Variants in CCDC102A observed in about 807,000 individuals in gnomAD.
CCDC102A encodes the protein coiled-coil domain containing 102A, also known as coiled-coil domain-containing protein 102A.
CCDC102A carries 40 observed loss-of-function variants against 55.5 expected under a neutral mutation model. The observed-to-expected ratio is 0.72, with a 90% CI of 0.56 to 0.94. The LOEUF (loss-of-function observed/expected upper bound fraction) is 0.94. Among genes scored for constraint, CCDC102A ranks in the 40% least tolerant of loss-of-function variants. The pLI is 0.00. For missense variants in CCDC102A, 779 were observed against 768.6 expected (o/e 1.01, Z -0.16); for synonymous variants, 323 against 339.0 (o/e 0.95, Z 0.52).
chr16:57,521,233 C>T, intron 3 of CCDC102A, 57 bp from the exon 4 acceptor site: 1 of 1,363,334 alleles, frequency 7.3e-7, no homozygotes, highest in Non-Finnish European at 1.0e-6. Context: ...TTGGAGTCCT[C>T]ACCAAGGGTG....
chr16:57,528,653 C>T lies in CCDC102A; in HGVS notation c.525G>A (p.Glu175=), dbSNP rs773165830. 1.7e-6 allele frequency: 2 copies of T among 1,180,946 alleles called. No individual in the cohort carries two copies. The highest frequency in any genetic ancestry group is 4.6e-5 in the East Asian group (1 of 21,858). 73.2% of individuals were successfully genotyped at this position (1,180,946 alleles called of 1,614,324 possible). A position where few individuals can be genotyped will look rare whatever the true frequency, so the allele number is the denominator to read the frequency against. The change falls in exon 2 of 9, where the codon GAG becomes GAA. Residue 175 remains glutamate (E), a synonymous_variant. Transcript: ENST00000258214. Reference sequence around the variant, plus strand: ...GCACTGGCTCGCGCTCCGCTTCCGGCTCGGGGCCGTCGCGCGTCTGGTCGG... The same window carrying T: ...GCACTGGCTCGCGCTCCGCTTCCGGTTCGGGGCCGTCGCGCGTCTGGTCGG... ...GVADQTRDGP[E]PEAEREPVRD...
rs372051434 is a variant in CCDC102A at position 57,515,201 on chromosome 16, A to C, written c.1523+140T>G. 1.5e-4 allele frequency: 100 copies of C among 656,146 alleles called. 2 individuals are homozygous for C. Among genetic ancestry groups the C allele is most frequent in the East Asian group, 1.4e-3 (51 of 36,544 alleles). The allele number at this position is 656,146 out of a possible 1,614,324, so 40.6% of individuals were successfully genotyped here. A position where few individuals can be genotyped will look rare whatever the true frequency, so the allele number is the denominator to read the frequency against. ...CCTGGCTCTGGCCCTTCCTGCCCGG[A>C]GGGGACAGGATTCTGGCTCCAGGCA... On this transcript the variant is annotated intron_variant, in intron 8 of 8. Transcript: ENST00000258214.
At chr16:57,515,918 G>C (rs537479262) in intron 7 of CCDC102A, among the ~76,000 whole-genome samples, 1 of 151,682 alleles carries the variant, frequency 6.6e-6, no homozygotes, top group East Asian at 1.9e-4. Flanking sequence ...CACTGACCCA[G>C]TCAGCTGTCC....
Position 57,515,444 on chromosome 16 carries a change from GCT to G in CCDC102A, c.1420-2_1420-1del. ...CGTGCCTGGTTGTGGGCCTCGTCCA[GCT>G]GTGGGGGTGAGCAGGGCCGAAAGCA... On this transcript the variant is annotated splice_acceptor_variant, in intron 7 of 8. Transcript: ENST00000258214. LOFTEE classifies it high-confidence loss of function. 6.3e-6 allele frequency: 10 copies of G among 1,597,070 alleles called. No individual in the cohort carries two copies. The highest frequency in any genetic ancestry group is 1.3e-5 in the African/African-American group (1 of 74,852).
intron 4 of CCDC102A, 94 bp downstream of exon 4, chr16:57,520,974 T>G: frequency 1.3e-6 from 1 of 795,026 alleles, no homozygotes; most frequent in Non-Finnish European, 2.1e-6. Context: ...GTTGGATGAA[T>G]TAATGAATGA....
At chr16:57,532,394 T>C (rs1328824220) in intron 1 of CCDC102A, among the ~76,000 whole-genome samples, 1 of 152,048 alleles carries the variant, frequency 6.6e-6, no homozygotes, top group African/African-American at 2.4e-5. Flanking sequence ...CCCCAGGAGA[T>C]CCCTAGCAGC....
chr16:57,534,735 G>A (rs181966261), intron 1 of CCDC102A, among the ~76,000 whole-genome samples: 16 of 152,306 alleles, frequency 1.1e-4, no homozygotes, highest in Admixed American at 2.0e-4. Context: ...GGAAGGTTGA[G>A]TCATCCTAAA....
In CCDC102A at chr16:57,529,064, CA is replaced by C; in HGVS notation, c.113del (p.Leu38CysfsTer123). 1 of 1,150,784 alleles carries C rather than the reference CA, an allele frequency of 8.7e-7. No homozygotes were observed. 71.3% of individuals were successfully genotyped at this position (1,150,784 alleles called of 1,614,324 possible). On this transcript the variant is annotated frameshift_variant, in exon 2 of 9. Transcript: ENST00000258214. LOFTEE classifies it high-confidence loss of function. The surrounding 1 kb of genome is among the most constrained non-coding windows in gnomAD (Gnocchi z 4.1). ...GCGTGCCGCTGGGCGGCGTGGGCGG[CA>C]AGGAGTCGGCAGGCCCCATGCGCTC... ...SPERMGPADS[L>X]PPTPPSGTPS...
rs1169210613 is a variant in CCDC102A at position 57,512,749 on chromosome 16, C to T, written c.1645G>A (p.Val549Met). The change falls in exon 9 of 9, where the codon GTG becomes ATG. Residue 549 changes from valine (V) to methionine (M), a missense_variant. Physicochemically the swap from Val to Met is conservative, Grantham distance 21. Coordinates refer to ENST00000258214, the MANE Select transcript of CCDC102A (RefSeq NM_033212.4). ...CCCAGCCACAGGAAGCTCTAGGCCA[C>T]CTGGATTTGCAGGTCCTCGTCCTCG... ...LDEDEDLQIQVA is the reference protein window; with the variant it reads ...LDEDEDLQIQMA 2 of 1,613,740 alleles carry T rather than the reference C, an allele frequency of 1.2e-6. No individual in the cohort carries two copies. The highest frequency in any genetic ancestry group is 1.3e-5 in the African/African-American group (1 of 74,936).
In CCDC102A at chr16:57,516,232, G is replaced by A; in HGVS notation, c.1419+61C>T. On this transcript the variant is annotated intron_variant, in intron 7 of 8. Transcript: ENST00000258214. The surrounding 1 kb of genome is among the most constrained non-coding windows in gnomAD (Gnocchi z 4.4). Reference sequence around the variant, plus strand: ...AGAATGGAGAAGCCAGGATGGCCCTGCGGCCCCCACTCCTCCCTGGCCAAG... The same window carrying A: ...AGAATGGAGAAGCCAGGATGGCCCTACGGCCCCCACTCCTCCCTGGCCAAG... 1 of 1,538,290 alleles carries A rather than the reference G, an allele frequency of 6.5e-7. No homozygotes were observed. Among genetic ancestry groups the A allele is most frequent in the Non-Finnish European group, 8.8e-7 (1 of 1,131,794 alleles).
At chr16:57,522,243 T>C (rs2032064931) in intron 3 of CCDC102A, among the ~76,000 whole-genome samples, 1 of 152,208 alleles carries the variant, frequency 6.6e-6, no homozygotes, top group South Asian at 2.1e-4. Flanking sequence ...CTTTTCTTTG[T>C]TTTTAGAGAG....
chr16:57,531,111 C>T (rs1212487250), intron 1 of CCDC102A, among the ~76,000 whole-genome samples: 2 of 152,024 alleles, frequency 1.3e-5, no homozygotes, highest in African/African-American at 4.8e-5. Context: ...CTCGCTATGT[C>T]CCCAACTCCA....
intron 1 of CCDC102A, among the ~76,000 whole-genome samples, chr16:57,532,570 A>G (rs1404437179): frequency 6.6e-6 from 1 of 152,200 alleles, no homozygotes; most frequent in East Asian, 1.9e-4. Context: ...ACAGGCACAC[A>G]ACGACACGGG....
chr16:57,520,362 C>T (rs1224541031), intron 4 of CCDC102A, among the ~76,000 whole-genome samples: 1 of 152,072 alleles, frequency 6.6e-6, no homozygotes, highest in African/African-American at 2.4e-5. Flanking sequence ...CCTCAAATGC[C>T]ACCTTCTTAG....
chr16:57,515,358 C>T lies in CCDC102A; in HGVS notation c.1506G>A (p.Leu502=). ...TEQSENLQVQ[L]EHLQSRLRRQ... ...GGGCCCACCTGGACTGCAGGTGCTC[C>T]AGTTGCACTTGCAGGTTCTCGCTCT... Residue 502 remains leucine, a synonymous_variant, in exon 8 of 9, where the codon CTG becomes CTA. Transcript: ENST00000258214. 2 of 1,602,058 alleles carry T rather than the reference C, an allele frequency of 1.2e-6. No individual in the cohort carries two copies. Among genetic ancestry groups the T allele is most frequent in the Non-Finnish European group, 1.7e-6 (2 of 1,174,292 alleles).
intron 4 of CCDC102A, 109 bp from the exon 5 acceptor site, chr16:57,518,850 C>A: frequency 2.6e-6 from 2 of 775,230 alleles, no homozygotes; most frequent in Non-Finnish European, 2.1e-6. Context: ...GCCAAGGCAG[C>A]GCCCAAATGG....
At position 57,512,391 on chromosome 16, in the gene CCDC102A, C is replaced by A. The variant is rs183288284; in HGVS notation, c.*350G>T. 2.5e-5 allele frequency: 10 copies of A among 400,214 alleles called. No individual in the cohort carries two copies. The allele number at this position is 400,214 out of a possible 1,614,324, so 24.8% of individuals were successfully genotyped here. A position where few individuals can be genotyped will look rare whatever the true frequency, so the allele number is the denominator to read the frequency against. The stretch of plus-strand genomic sequence containing the variant: ...TAGAGAGGCAGCCCAGGGTGGGGCT[C>A]CAACAACTGCCCCCAACATGCCCAG... On this transcript the variant is annotated 3_prime_UTR_variant, in exon 9 of 9. Coordinates refer to ENST00000258214, the MANE Select transcript of CCDC102A (RefSeq NM_033212.4).
intron 6 of CCDC102A, among the ~76,000 whole-genome samples, 198 bp downstream of exon 6, chr16:57,517,849 GTTCAGTGCTGTGTCTCTGGCA>G (rs1361474059): frequency 6.6e-6 from 1 of 152,258 alleles, no homozygotes; most frequent in Non-Finnish European, 1.5e-5. Context: ...ACATCTGTCT[GTTCAGTGCTGTGTCTCTGGCA>G]CCTAGAGTGG....
rs1271578430 is a variant in CCDC102A at position 57,515,444 on chromosome 16, G to A, written c.1420C>T (p.Leu474=). The A allele has an allele frequency of 4.4e-6, 7 of 1,596,952 alleles. No individual in the cohort carries two copies. Among genetic ancestry groups the A allele is most frequent in the Admixed American group, 1.7e-5 (1 of 58,484 alleles). Residue 474 remains leucine (L), a splice_region_variant and synonymous_variant, in exon 8 of 9, where the codon CTG becomes TTG. Transcript: ENST00000258214. ...KKELAQAEDE[L]DEAHNQARKL... is the part of the protein sequence containing the mutation. The stretch of plus-strand genomic sequence containing the variant: ...CGTGCCTGGTTGTGGGCCTCGTCCA[G>A]CTGTGGGGGTGAGCAGGGCCGAAAG...
Sources: gnomAD v4.1 joint callset for allele counts (sites outside exome capture counted in the v4.1 genomes callset) on GRCh38, gnomAD v4.1.1 for gene constraint, Gnocchi (gnomAD v3.1) non-coding constraint, MANE v1.5 for transcripts, NCBI Gene and HGNC (gene_info 2026-07-23, HGNC 2026-07-21) for gene names.